Variants in ZNF135 observed in about 807,000 individuals in gnomAD.
ZNF135 encodes zinc finger protein 135 (clone pHZ-17).
In ZNF135, 11 loss-of-function variants were observed where a neutral mutation model predicts 12.3. The ratio of observed to expected loss-of-function variants is 0.89; its 90% confidence interval spans 0.56 to 1.48. The LOEUF is 1.48. Ranked by LOEUF, ZNF135 falls within the 40% of genes most tolerant of loss-of-function variation. The pLI is 0.00. For synonymous variants in ZNF135, 316 were observed against 312.0 expected (o/e 1.01, Z -0.14); for missense variants, 722 against 815.7 (o/e 0.89, Z 1.40).
Position 58,066,746 on chromosome 19 carries a change from G to A in ZNF135, c.262G>A (p.Glu88Lys), listed in dbSNP as rs781568846. 3 of 1,613,816 alleles carry A rather than the reference G, an allele frequency of 1.9e-6. No homozygotes were observed. The South Asian group carries it at 3.3e-5, about 18-fold the overall frequency. The change falls in exon 5 of 5, where the codon GAA becomes AAA. Residue 88 changes from glutamate to lysine, a missense_variant. Coordinates refer to ENST00000313434, the MANE Select transcript of ZNF135 (RefSeq NM_001289401.2). ...CCAGTTTTTGCTTCTTTCAGACTTG[G>A]AAACTAGACCCAAAGTCAAACTGTC... is the stretch of plus-strand genomic sequence containing the variant. ...RLPQGVYPDL[E>K]TRPKVKLSVL...
At chr19:58,061,805 G>C (rs2073987327) in intron 3 of ZNF135, 99 bp downstream of exon 3, 1 of 1,437,662 alleles carries the variant, frequency 7.0e-7, no homozygotes. Context: ...AAAAGCAAAT[G>C]CCTGGGGCTG....
chr19:58,067,120 AC>A lies in ZNF135; in HGVS notation c.639del (p.Tyr214ThrfsTer35), dbSNP rs1251673608. ...TACAGAAAACCTGTGTAAAAGAGAA[AC>A]CCTACAAATGTCAGGAATGCGGAAA... ...VLQKTCVKEK[P>X]YKCQECGKAF... is the part of the protein sequence containing the mutation. On this transcript the variant is annotated frameshift_variant, in exon 5 of 5. Coordinates refer to ENST00000313434, the MANE Select transcript of ZNF135 (RefSeq NM_001289401.2). LOFTEE classifies it low-confidence loss of function (END_TRUNC). 6.2e-7 allele frequency: 1 copy of A among 1,614,234 alleles called. No homozygotes were observed. Among genetic ancestry groups the A allele is most frequent in the Admixed American group, 1.7e-5 (1 of 60,024 alleles).
At chr19:58,064,229 G>A (rs2074030435) in intron 4 of ZNF135, among the ~76,000 whole-genome samples, 1 of 152,104 alleles carries the variant, frequency 6.6e-6, no homozygotes. Context: ...GGCCAGTGTG[G>A]GAAAGGGTCA....
chr19:58,061,500 C>T (rs1328392622), intron 2 of ZNF135, 80 bp from the exon 3 acceptor site: 2 of 1,531,906 alleles, frequency 1.3e-6, no homozygotes, highest in Non-Finnish European at 1.8e-6. Flanking sequence ...CCGACCCAGC[C>T]TGGCTGGCAT....
In ZNF135 at chr19:58,066,880, C is replaced by G. The variant is rs1467875555; in HGVS notation, c.396C>G (p.His132Gln). ...WYCRGEDTEG[H>Q]WEWSCESLES... The stretch of plus-strand genomic sequence containing the variant: ...GCAGGGGTGAGGACACTGAGGGCCA[C>G]TGGGAATGGAGTTGTGAGAGTCTAG... Residue 132 changes from histidine (H) to glutamine (Q), a missense_variant, in exon 5 of 5, where the codon CAC becomes CAG. Transcript: ENST00000313434. The G allele has an allele frequency of 2.5e-6, 4 of 1,614,070 alleles. No individual in the cohort carries two copies. The African/African-American group carries it at 5.3e-5, about 22-fold the overall frequency.
rs2073951212 is a variant in ZNF135, at chr19:58,060,241, T to C, written c.33+206T>C. 49 of 1,414,982 alleles carry C rather than the reference T, an allele frequency of 3.5e-5. No individual in the cohort carries two copies. The highest frequency in any genetic ancestry group is 4.4e-5 in the Non-Finnish European group (47 of 1,076,842). 87.7% of individuals were successfully genotyped at this position (1,414,982 alleles called of 1,614,324 possible). A position where few individuals can be genotyped will look rare whatever the true frequency, so the allele number is the denominator to read the frequency against. On this transcript the variant is annotated intron_variant, in intron 2 of 4. Transcript: ENST00000313434. The surrounding 1 kb of genome is among the most constrained non-coding windows in gnomAD (Gnocchi z 4.9). ...CTGGCCTCTACTCGCGCACCTGGCCTCTACTGGTGCCCGGCCTCTACTCGT... is the reference window on the plus strand; with the variant it reads ...CTGGCCTCTACTCGCGCACCTGGCCCCTACTGGTGCCCGGCCTCTACTCGT...
rs2074081820 is a variant in ZNF135 at position 58,067,106 on chromosome 19, T to C, written c.622T>C (p.Cys208Arg). The change falls in exon 5 of 5, where the codon TGT becomes CGT. Residue 208 changes from cysteine (C) to arginine (R), a missense_variant. Physicochemically the swap from Cys to Arg is radical, Grantham distance 180. Coordinates refer to ENST00000313434, the MANE Select transcript of ZNF135 (RefSeq NM_001289401.2). ...AGACCTAAATGTTTTACAGAAAACC[T>C]GTGTAAAAGAGAAACCCTACAAATG... ...KPDLNVLQKT[C>R]VKEKPYKCQE... 6 of 1,614,056 alleles carry C rather than the reference T, an allele frequency of 3.7e-6. No homozygotes were observed. Among genetic ancestry groups the C allele is most frequent in the Non-Finnish European group, 5.1e-6 (6 of 1,180,042 alleles).
intron 2 of ZNF135, 40 bp from the exon 3 acceptor site, chr19:58,061,540 C>T: frequency 6.3e-7 from 1 of 1,590,342 alleles, no homozygotes; most frequent in Non-Finnish European, 8.6e-7. Context: ...CAGCCAGTGC[C>T]AGGGTTGGCT....
chr19:58,060,106 G>A lies in ZNF135; in HGVS notation c.33+71G>A, dbSNP rs980071736. The A allele has an allele frequency of 1.3e-6, 2 of 1,599,642 alleles. No homozygotes were observed. ...GCCTCCTCGCGCGCGGCCTTCTCAC[G>A]CCCGGCCTCCTCTTTGCACCCCGTC... is the stretch of plus-strand genomic sequence containing the variant. On this transcript the variant is annotated intron_variant, in intron 2 of 4. Transcript: ENST00000313434. This position sits in a 1 kb window ranked among gnomAD's most constrained non-coding sequence, Gnocchi z 4.9.
Position 58,059,300 on chromosome 19 carries a change from C to G in ZNF135, c.-45C>G, listed in dbSNP as rs1045465868. 1.3e-6 allele frequency: 2 copies of G among 1,534,196 alleles called. No individual in the cohort carries two copies. Among genetic ancestry groups the G allele is most frequent in the Non-Finnish European group, 1.7e-6 (2 of 1,147,902 alleles). Reference sequence around the variant, plus strand: ...TGCCGGTGCCGCGGCCTTTGTCTCGCAGTCAGGAGGGTGAGCTAGGCCGGC... The same window carrying G: ...TGCCGGTGCCGCGGCCTTTGTCTCGGAGTCAGGAGGGTGAGCTAGGCCGGC... On this transcript the variant is annotated 5_prime_UTR_variant, in exon 1 of 5. Transcript: ENST00000313434. This position sits in a 1 kb window ranked among gnomAD's most constrained non-coding sequence, Gnocchi z 6.5.
rs571186401 is a variant in ZNF135, at chr19:58,066,996, T to C, written c.512T>C (p.Leu171Pro). ...QRNGFGENIS[L>P]NPDLPHQPMT... is the part of the protein sequence containing the mutation. ...AATGGGTTTGGGGAAAACATAAGTCTGAACCCTGATCTCCCACATCAACCA... is the reference window on the plus strand; with the variant it reads ...AATGGGTTTGGGGAAAACATAAGTCCGAACCCTGATCTCCCACATCAACCA... Residue 171 changes from leucine (L) to proline (P), a missense_variant, in exon 5 of 5, where the codon CTG (leucine) becomes CCG (proline). Physicochemically the swap from Leu to Pro is moderately conservative, Grantham distance 98. Transcript: ENST00000313434. 30 of 1,614,162 alleles carry C rather than the reference T, an allele frequency of 1.9e-5. No homozygotes were observed. In the South Asian group the frequency reaches 3.1e-4, roughly 17 times the overall value.
rs2074046560 is a variant in ZNF135 at position 58,065,318 on chromosome 19, T to G, written c.257-1423T>G. 6.6e-6 allele frequency among the ~76,000 whole-genome samples: 1 copy of G among 152,120 alleles called. No homozygotes were observed. Among genetic ancestry groups the G allele is most frequent in the Non-Finnish European group, 1.5e-5 (1 of 68,030 alleles). On this transcript the variant is annotated intron_variant, in intron 4 of 4. Coordinates refer to ENST00000313434, the MANE Select transcript of ZNF135 (RefSeq NM_001289401.2). This position sits in a 1 kb window ranked among gnomAD's most constrained non-coding sequence, Gnocchi z 4.0. The stretch of plus-strand genomic sequence containing the variant: ...AGGTGATCCTCCTGCCTCAGCCTCC[T>G]GAGTAGCTGAGACTACAGGTGTGTG...
In ZNF135 at chr19:58,068,983, C is replaced by CA. The variant is rs2074125584; in HGVS notation, c.*523dup. 6.3e-6 allele frequency: 1 copy of CA among 158,682 alleles called. No homozygotes were observed. Among genetic ancestry groups the CA allele is most frequent in the Non-Finnish European group, 1.4e-5 (1 of 71,550 alleles). The allele number at this position is 158,682 out of a possible 1,614,324, so 9.8% of individuals were successfully genotyped here. A position where few individuals can be genotyped will look rare whatever the true frequency, so the allele number is the denominator to read the frequency against. On this transcript the variant is annotated 3_prime_UTR_variant, in exon 5 of 5. Transcript: ENST00000313434. Reference sequence around the variant, plus strand: ...TATTCATTCCCAAATGACAGTATGGCAGAGTGTTCCAGAAATGAGAGTGGC... The same window carrying CA: ...TATTCATTCCCAAATGACAGTATGGCAAGAGTGTTCCAGAAATGAGAGTGGC...
In ZNF135 at chr19:58,059,349, C is replaced by CCGGGA. The variant is rs771915891; in HGVS notation, c.-35+43_-35+44insACGGG. 9.0e-7 allele frequency: 1 copy of CCGGGA among 1,105,264 alleles called. No individual in the cohort carries two copies. Among genetic ancestry groups the CCGGGA allele is most frequent in the South Asian group, 1.8e-5 (1 of 57,116 alleles). 68.5% of individuals were successfully genotyped at this position (1,105,264 alleles called of 1,614,324 possible). On this transcript the variant is annotated intron_variant, in intron 1 of 4. Transcript: ENST00000313434. This position sits in a 1 kb window ranked among gnomAD's most constrained non-coding sequence, Gnocchi z 6.5. The stretch of plus-strand genomic sequence containing the variant: ...GCGAGGAGGGGGAGGGGAGGCCAGG[C>CCGGGA]CGGGCCGGGCCGGGCCGGGTGCGGG...
chr19:58,060,829 AAAC>A lies in ZNF135; in HGVS notation c.34-748_34-746del, dbSNP rs796352405. Among the ~76,000 whole-genome samples the A allele has an allele frequency of 8.5e-5, 13 of 152,188 alleles. No individual in the cohort carries two copies. Among genetic ancestry groups the A allele is most frequent in the African/African-American group, 2.9e-4 (12 of 41,506 alleles). ...GGAACCCTGTCTCTAAAAAATTAAA[AAAC>A]AAACCCAGATTTGGCCGGGCGCGGT... On this transcript the variant is annotated intron_variant, in intron 2 of 4. Transcript: ENST00000313434. This position sits in a 1 kb window ranked among gnomAD's most constrained non-coding sequence, Gnocchi z 4.9.
chr19:58,067,257 C>G lies in ZNF135; in HGVS notation c.773C>G (p.Thr258Ser). The G allele has an allele frequency of 1.2e-6, 2 of 1,614,170 alleles. No homozygotes were observed. Among genetic ancestry groups the G allele is most frequent in the Non-Finnish European group, 8.5e-7 (1 of 1,180,030 alleles). Residue 258 changes from threonine to serine, a missense_variant, in exon 5 of 5, where the codon ACC (threonine) becomes AGC (serine). Transcript: ENST00000313434. ...LKGFRNSSAL[T>S]KHQRIHTGEK... ...GGCTTCCGGAACAGCTCGGCACTTA[C>G]CAAACACCAGAGAATCCATACTGGG...
chr19:58,067,770 G>C lies in ZNF135; in HGVS notation c.1286G>C (p.Arg429Pro). The C allele has an allele frequency of 6.2e-7, 1 of 1,612,576 alleles. No individual in the cohort carries two copies. The highest frequency in any genetic ancestry group is 8.5e-7 in the Non-Finnish European group (1 of 1,179,616). Reference protein sequence around the residue: ...FSQSTLLTEHRRIHTGEKPYG... With the variant: ...FSQSTLLTEHPRIHTGEKPYG... ...CAGAGCACACTCCTGACCGAGCATC[G>C]GAGGATTCACACAGGAGAGAAGCCC... The change falls in exon 5 of 5, where the codon CGG (arginine) becomes CCG (proline). Residue 429 changes from arginine (R) to proline (P), a missense_variant. Physicochemically the swap from Arg to Pro is moderately radical, Grantham distance 103. Transcript: ENST00000313434.
At chr19:58,062,355 TA>T (rs2073995605) in intron 3 of ZNF135, among the ~76,000 whole-genome samples, 1 of 79,588 alleles carries the variant, frequency 1.3e-5, no homozygotes, top group Non-Finnish European at 2.8e-5. Flanking sequence ...ATTTGAACCT[TA>T]TTTATTTATT....
At chr19:58,061,543 G>C in intron 2 of ZNF135, 37 bp from the exon 3 acceptor site, 1 of 1,594,232 alleles carries the variant, frequency 6.3e-7, no homozygotes, top group South Asian at 1.1e-5. Flanking sequence ...CCAGTGCCAG[G>C]GTTGGCTTGG....
Sources: allele counts gnomAD v4.1 joint callset (sites outside exome capture counted in the v4.1 genomes callset), GRCh38; gene constraint gnomAD v4.1.1; non-coding constraint Gnocchi (gnomAD v3.1); transcripts MANE v1.5; gene names NCBI Gene and HGNC (gene_info 2026-07-23, HGNC 2026-07-21).